The following USH2A variants were observed in gnomAD, a reference collection of about 807,000 sequenced individuals.
USH2A encodes Usher syndrome 2A (autosomal recessive, mild).
A neutral mutation model predicts 538.9 loss-of-function variants in USH2A; 443 were observed. That is an observed-to-expected ratio of 0.82 (90% confidence interval 0.76 to 0.89). The LOEUF is 0.89. Among genes scored for constraint, USH2A ranks in the 40% least tolerant of loss-of-function variants. The pLI is 0.00. For missense variants in USH2A, 6,633 were observed against 6,324.8 expected (o/e 1.05, Z -1.65); for synonymous variants, 2,413 against 2,273.5 (o/e 1.06, Z -1.75).
chr1:216,368,091 G>A (rs2038634379), intron 3 of USH2A, among the ~76,000 whole-genome samples: 2 of 152,064 alleles, frequency 1.3e-5, no homozygotes, highest in Non-Finnish European at 2.9e-5. Flanking sequence ...TACAGAGAAG[G>A]TCATGCTCAA....
intron 20 of USH2A, among the ~76,000 whole-genome samples, chr1:216,178,369 T>C (rs2034432282): frequency 6.6e-6 from 1 of 152,168 alleles, no homozygotes; most frequent in Admixed American, 6.6e-5. Flanking sequence ...TTCTACAAGT[T>C]ATGATCTCAC....
chr1:216,050,857 G>A lies in USH2A; in HGVS notation c.6050-2210C>T, dbSNP rs148358258. On this transcript the variant is annotated intron_variant, in intron 30 of 71. Transcript: ENST00000307340. ...CCTGACCTCGTGATCCACCCGCCTC[G>A]GCCTCCCAAAGTGCTGGGATTACAG... is the stretch of plus-strand genomic sequence containing the variant. 9.3e-3 allele frequency among the ~76,000 whole-genome samples: 1,405 copies of A among 151,470 alleles called. 12 individuals are homozygous for A. Among genetic ancestry groups the A allele is most frequent in the African/African-American group, 0.029 (1,181 of 41,310 alleles).
chr1:216,229,337 A>G (rs2035629590), intron 14 of USH2A, among the ~76,000 whole-genome samples: 1 of 150,870 alleles, frequency 6.6e-6, no homozygotes, highest in Non-Finnish European at 1.5e-5. Flanking sequence ...TTTTTCTGAG[A>G]CAGGGTCTCG....
At chr1:216,185,479 C>G (rs1443072852) in intron 20 of USH2A, among the ~76,000 whole-genome samples, 1 of 151,858 alleles carries the variant, frequency 6.6e-6, no homozygotes, top group African/African-American at 2.4e-5. Context: ...TTCCAAAAGG[C>G]TAATTACTAC....
chr1:215,679,617 A>G (rs1658156918), intron 62 of USH2A, among the ~76,000 whole-genome samples: 1 of 152,240 alleles, frequency 6.6e-6, no homozygotes, highest in Admixed American at 6.5e-5. Context: ...AGCTTGAGAT[A>G]CGTATACAAC....
chr1:215,836,130 G>A (rs1035819118), intron 47 of USH2A, among the ~76,000 whole-genome samples: 2 of 151,566 alleles, frequency 1.3e-5, no homozygotes, highest in African/African-American at 4.8e-5. Flanking sequence ...ATTCTGTTAC[G>A]TCATTCACAT....
intron 2 of USH2A, among the ~76,000 whole-genome samples, chr1:216,420,859 A>G (rs554696439): frequency 6.6e-6 from 1 of 152,280 alleles, no homozygotes; most frequent in Admixed American, 6.5e-5. Flanking sequence ...GCCAACTTTC[A>G]CTTGGCAAAT....
chr1:215,879,368 C>T (rs545732068), intron 41 of USH2A, among the ~76,000 whole-genome samples: 12 of 152,304 alleles, frequency 7.9e-5, no homozygotes, highest in Admixed American at 2.0e-4. Flanking sequence ...AGCGATTCAT[C>T]GCCACTGTGG....
intron 11 of USH2A, among the ~76,000 whole-genome samples, chr1:216,258,578 T>C (rs529964493): frequency 6.6e-6 from 1 of 152,132 alleles, no homozygotes; most frequent in South Asian, 2.1e-4. Context: ...TCTCTTCAAT[T>C]TGGAGAACTC....
At chr1:215,810,649 T>C (rs1662643613) in intron 49 of USH2A, among the ~76,000 whole-genome samples, 1 of 152,164 alleles carries the variant, frequency 6.6e-6, no homozygotes, top group Non-Finnish European at 1.5e-5. Flanking sequence ...TCACTGTAAT[T>C]ATAATTTTAT....
intron 69 of USH2A, among the ~76,000 whole-genome samples, 162 bp downstream of exon 69, chr1:215,638,992 AC>A (rs1656587972): frequency 6.6e-6 from 1 of 150,894 alleles, no homozygotes; most frequent in African/African-American, 2.4e-5. Context: ...AAAAACAACA[AC>A]AAAAAAAAAA....
At chr1:216,356,696 A>G (rs759727654) in intron 4 of USH2A, among the ~76,000 whole-genome samples, 1 of 152,108 alleles carries the variant, frequency 6.6e-6, no homozygotes, top group Non-Finnish European at 1.5e-5. Context: ...GGCATGAATT[A>G]TAATTTATTA....
intron 35 of USH2A, among the ~76,000 whole-genome samples, chr1:215,979,566 GA>G (rs1408681222): frequency 6.6e-6 from 1 of 152,078 alleles, no homozygotes; most frequent in Non-Finnish European, 1.5e-5. Context: ...TATCAAACAG[GA>G]AAAATAATTA....
At chr1:216,168,071 A>AT (rs1355642477) in intron 21 of USH2A, among the ~76,000 whole-genome samples, 4 of 152,064 alleles carry the variant, frequency 2.6e-5, no homozygotes, top group African/African-American at 9.7e-5. Context: ...GTTTTAACTA[A>AT]TTTTTTTCAA....
intron 35 of USH2A, among the ~76,000 whole-genome samples, chr1:215,986,025 T>C (rs1571867293): frequency 1.3e-5 from 2 of 152,310 alleles, no homozygotes; most frequent in East Asian, 3.9e-4. Context: ...AAGACTAAAT[T>C]AGGAAAATAT....
At chr1:216,368,060 G>A (rs1296027484) in intron 3 of USH2A, among the ~76,000 whole-genome samples, 3 of 152,078 alleles carry the variant, frequency 2.0e-5, no homozygotes, top group South Asian at 2.1e-4. Context: ...TAAGAGATCC[G>A]AAAACACTTT....
chr1:216,338,841 T>C (rs986750910), intron 4 of USH2A, among the ~76,000 whole-genome samples: 3 of 151,620 alleles, frequency 2.0e-5, no homozygotes, highest in Admixed American at 6.6e-5. Context: ...GAGTATTTTA[T>C]ACTCATGATT....
chr1:216,156,750 A>G (rs879512678), intron 21 of USH2A, among the ~76,000 whole-genome samples: 1 of 152,234 alleles, frequency 6.6e-6, no homozygotes, highest in Admixed American at 6.5e-5. Flanking sequence ...GACAGCCTAC[A>G]GAATATACAA....
At chr1:215,707,568 T>G (rs1659215256) in intron 61 of USH2A, among the ~76,000 whole-genome samples, 1 of 152,224 alleles carries the variant, frequency 6.6e-6, no homozygotes, top group Admixed American at 6.5e-5. Context: ...TGTGGGGTTC[T>G]GTTGATTCCA....
Sources: gnomAD v4.1 joint callset for allele counts (sites outside exome capture counted in the v4.1 genomes callset) on GRCh38, gnomAD v4.1.1 for gene constraint, MANE v1.5 for transcripts, NCBI Gene and HGNC (gene_info 2026-07-23, HGNC 2026-07-21) for gene names.